SIMC1: variants seen among roughly 807,000 people sequenced by gnomAD.
The protein encoded by SIMC1 is SUMO interacting motifs containing 1, also known as SUMO-interacting motif-containing protein 1.
Under a neutral mutation model 82.3 loss-of-function variants are expected in SIMC1, and 55 were observed. The ratio of observed to expected loss-of-function variants is 0.67; its 90% CI spans 0.54 to 0.84. The LOEUF is 0.84. SIMC1 is among the 40% of genes least tolerant of loss of function. The pLI is 0.00. For missense variants in SIMC1, 915 were observed against 1,107.2 expected, an observed-to-expected ratio of 0.83 and a Z score of 2.46; for synonymous variants, 353 against 426.3, an observed-to-expected ratio of 0.83 and a Z score of 2.12.
intron 1 of SIMC1, among the ~76,000 whole-genome samples, chr5:176,252,812 G>A (rs1288125781): frequency 1.3e-5 from 2 of 152,236 alleles, no homozygotes; most frequent in African/African-American, 2.4e-5. Flanking sequence ...AGGTTGTAGC[G>A]AGCTGAGATC....
chr5:176,293,281 C>G (rs1763659845), intron 2 of SIMC1, among the ~76,000 whole-genome samples: 1 of 148,670 alleles, frequency 6.7e-6, no homozygotes, highest in Non-Finnish European at 1.5e-5. Context: ...ATAAAAAATT[C>G]AAAAATTAGC....
At chr5:176,255,896 T>C (rs1013278306) in intron 1 of SIMC1, among the ~76,000 whole-genome samples, 2 of 151,834 alleles carry the variant, frequency 1.3e-5, no homozygotes, top group Non-Finnish European at 2.9e-5. Flanking sequence ...ATGAAAAAGT[T>C]AAAAGAGAAT....
rs185082538 is a variant in SIMC1 at position 176,274,972 on chromosome 5, T to G, written c.130-14682T>G. Reference sequence around the variant, plus strand: ...CTTGGCGATGTGGGCTCTTTTTTGGTTCCGTATGAACTTTAAAGTAGTTTT... The same window carrying G: ...CTTGGCGATGTGGGCTCTTTTTTGGGTCCGTATGAACTTTAAAGTAGTTTT... On this transcript the variant is annotated intron_variant, in intron 1 of 9. Coordinates refer to ENST00000429602, the MANE Select transcript of SIMC1 (RefSeq NM_001308195.2). Among the ~76,000 whole-genome samples the G allele has an allele frequency of 5.1e-3, 773 of 151,964 alleles. 10 individuals carry two copies. Among genetic ancestry groups the G allele is most frequent in the African/African-American group, 0.018 (730 of 41,526 alleles).
chr5:176,303,209 A>G (rs1199834879), intron 4 of SIMC1, among the ~76,000 whole-genome samples: 2 of 150,096 alleles, frequency 1.3e-5, no homozygotes, highest in African/African-American at 2.5e-5. Flanking sequence ...CAGAGGTTGC[A>G]GTGAGCTGAG....
In SIMC1 at chr5:176,289,864, G is replaced by A. The variant is rs376723635; in HGVS notation, c.340G>A (p.Asp114Asn). 10 of 1,613,780 alleles carry A rather than the reference G, an allele frequency of 6.2e-6. No individual in the cohort carries two copies. Among genetic ancestry groups the A allele is most frequent in the Non-Finnish European group, 8.5e-6 (10 of 1,179,870 alleles). ...CAAAGCGGTGATGGAAGGGCACGTGGACAGAAGCTCTCAGCCTACAGCACG... is the reference window on the plus strand; with the variant it reads ...CAAAGCGGTGATGGAAGGGCACGTGAACAGAAGCTCTCAGCCTACAGCACG... ...SGKAVMEGHV[D>N]RSSQPTARRI... is the part of the protein sequence containing the mutation. The change falls in exon 2 of 10, where the codon GAC (aspartate) becomes AAC (asparagine). Residue 114 changes from aspartate to asparagine, a missense_variant. Physicochemically the swap from Asp to Asn is conservative, Grantham distance 23 (BLOSUM62 1). Transcript: ENST00000429602.
At chr5:176,316,911 T>C (rs1764937289) in intron 5 of SIMC1, among the ~76,000 whole-genome samples, 1 of 151,138 alleles carries the variant, frequency 6.6e-6, no homozygotes, top group Non-Finnish European at 1.5e-5. Context: ...CATTTGAACC[T>C]GGGAGGCAGA....
At chr5:176,281,411 A>G (rs1044899180) in intron 1 of SIMC1, among the ~76,000 whole-genome samples, 1 of 152,026 alleles carries the variant, frequency 6.6e-6, no homozygotes, top group African/African-American at 2.4e-5. Flanking sequence ...ATCGTCTGAA[A>G]CCTTCTTCTC....
chr5:176,258,441 G>A (rs1477026638), intron 1 of SIMC1, among the ~76,000 whole-genome samples: 1 of 150,440 alleles, frequency 6.6e-6, no homozygotes, highest in Non-Finnish European at 1.5e-5. Flanking sequence ...CTCATACCAG[G>A]TTTCCAAGGG....
At chr5:176,255,078 A>G (rs1274026083) in intron 1 of SIMC1, among the ~76,000 whole-genome samples, 8 of 151,618 alleles carry the variant, frequency 5.3e-5, no homozygotes, top group Admixed American at 5.3e-4. Flanking sequence ...GGGGTTCGAG[A>G]CCAGCCTGGC....
chr5:176,295,002 C>A, intron 2 of SIMC1, 28 bp from the exon 3 acceptor site: 1 of 1,575,158 alleles, frequency 6.3e-7, no homozygotes, highest in South Asian at 1.2e-5. Context: ...GAAATCCCTC[C>A]TAATTTCCTT....
At chr5:176,302,331 A>G (rs1374956375) in intron 4 of SIMC1, among the ~76,000 whole-genome samples, 2 of 152,196 alleles carry the variant, frequency 1.3e-5, no homozygotes, top group African/African-American at 2.4e-5. Context: ...AATCACCTCA[A>G]TTAATGCAGA....
chr5:176,312,856 G>C (rs1010189034), intron 4 of SIMC1, among the ~76,000 whole-genome samples: 1 of 152,156 alleles, frequency 6.6e-6, no homozygotes, highest in Non-Finnish European at 1.5e-5. Flanking sequence ...CCCAGCACTT[G>C]TCTGGTAGTA....
chr5:176,328,312 A>G (rs1765478554), intron 7 of SIMC1, among the ~76,000 whole-genome samples: 1 of 152,110 alleles, frequency 6.6e-6, no homozygotes, highest in Admixed American at 6.6e-5. Context: ...GATTCTGATC[A>G]TTTGTTTAAA....
intron 4 of SIMC1, among the ~76,000 whole-genome samples, chr5:176,304,746 G>A (rs1312311818): frequency 8.6e-5 from 13 of 151,090 alleles, no homozygotes; most frequent in East Asian, 8.0e-4. Context: ...AGTGAGGAGC[G>A]CCTCTTCCCA....
chr5:176,304,720 G>A (rs550038389), intron 4 of SIMC1, among the ~76,000 whole-genome samples: 127 of 150,536 alleles, frequency 8.4e-4, no homozygotes, highest in African/African-American at 2.4e-3. Flanking sequence ...CCGCCCGGCC[G>A]CCATCCCATC....
Position 176,345,629 on chromosome 5 carries a change from C to G in SIMC1, c.*184C>G. On this transcript the variant is annotated 3_prime_UTR_variant, in exon 10 of 10. Coordinates refer to ENST00000429602, the MANE Select transcript of SIMC1 (RefSeq NM_001308195.2). ...TTAAATAATCCTATCCTAGCCTGTT[C>G]TCAAATATGGCTTAAATATACAAGG... The G allele has an allele frequency of 2.1e-6, 1 of 487,712 alleles. No individual in the cohort carries two copies. Among genetic ancestry groups the G allele is most frequent in the Non-Finnish European group, 3.4e-6 (1 of 297,888 alleles). 30.2% of individuals were successfully genotyped at this position (487,712 alleles called of 1,614,324 possible).
In SIMC1 at chr5:176,290,975, C is replaced by T. The variant is rs1282491646; in HGVS notation, c.1431+20C>T. 6.6e-7 allele frequency: 1 copy of T among 1,521,642 alleles called. No homozygotes were observed. Among genetic ancestry groups the T allele is most frequent in the Non-Finnish European group, 8.8e-7 (1 of 1,132,006 alleles). The allele number at this position is 1,521,642 out of a possible 1,614,324, so 94.3% of individuals were successfully genotyped here. ...AGAGAGGTGAGCTAACATCTTCCCT[C>T]AGGGATTAGGTGTCCTTTCCCTAGG... On this transcript the variant is annotated intron_variant, in intron 2 of 9. Transcript: ENST00000429602.
intron 4 of SIMC1, among the ~76,000 whole-genome samples, chr5:176,301,995 T>C (rs2113300162): frequency 6.6e-6 from 1 of 152,342 alleles, no homozygotes; most frequent in Middle Eastern, 3.4e-3. Context: ...AAATCCCATA[T>C]AACCTATGCA....
chr5:176,245,985 T>C (rs1761423734), intron 1 of SIMC1, among the ~76,000 whole-genome samples: 1 of 151,688 alleles, frequency 6.6e-6, no homozygotes, highest in Non-Finnish European at 1.5e-5. Flanking sequence ...CCTCCCTTCA[T>C]GGCCTTCCCT....
Sources: allele counts gnomAD v4.1 joint callset (sites outside exome capture counted in the v4.1 genomes callset), GRCh38; gene constraint gnomAD v4.1.1; transcripts MANE v1.5; gene names NCBI Gene and HGNC (gene_info 2026-07-23, HGNC 2026-07-21).